MC2R: variants seen among roughly 807,000 people sequenced by gnomAD.
MC2R encodes melanocortin 2 receptor, also known as adrenocorticotropic hormone receptor.
In MC2R, 9 loss-of-function variants were observed where a neutral mutation model predicts 9.8. The ratio of observed to expected loss-of-function variants is 0.92; its 90% confidence interval spans 0.55 to 1.60. MC2R has a LOEUF of 1.60. Ranked by LOEUF, MC2R falls within the 40% of genes most tolerant of loss-of-function variation. The probability of loss-of-function intolerance (pLI) is 0.00; values close to 1 mark genes in which losing one functional copy is unlikely to be tolerated. For missense variants in MC2R, 370 were observed against 389.0 expected (o/e 0.95, Z 0.41); for synonymous variants, 185 against 154.7 (o/e 1.20, Z -1.45).
At chr18:13,889,431 G>C (rs918423031) in intron 1 of MC2R, among the ~76,000 whole-genome samples, 4 of 152,214 alleles carry the variant, frequency 2.6e-5, no homozygotes, top group African/African-American at 9.6e-5. Context: ...TGAAGGCGTA[G>C]GTCTTGGCAG....
chr18:13,897,058 A>G (rs114481602), intron 1 of MC2R, among the ~76,000 whole-genome samples: 1,892 of 152,320 alleles, frequency 0.012, 25 homozygotes, highest in African/African-American at 0.043. Context: ...AGAGCCAAAA[A>G]TCAGGCGAGC....
intron 1 of MC2R, among the ~76,000 whole-genome samples, chr18:13,904,291 G>C (rs1421307947): frequency 6.7e-6 from 1 of 149,674 alleles, no homozygotes; most frequent in Non-Finnish European, 1.5e-5. Context: ...TGAGGCAGGA[G>C]AATGGCGTGA....
At position 13,884,541 on chromosome 18, in the gene MC2R, G is replaced by C; in HGVS notation, c.*84C>G. 7.0e-7 allele frequency: 1 copy of C among 1,427,106 alleles called. No homozygotes were observed. Among genetic ancestry groups the C allele is most frequent in the Non-Finnish European group, 9.8e-7 (1 of 1,023,642 alleles). The allele number at this position is 1,427,106 out of a possible 1,614,324, so 88.4% of individuals were successfully genotyped here. A position where few individuals can be genotyped will look rare whatever the true frequency, so the allele number is the denominator to read the frequency against. On this transcript the variant is annotated 3_prime_UTR_variant, in exon 2 of 2. Coordinates refer to ENST00000327606, the MANE Select transcript of MC2R (RefSeq NM_000529.2). ...ATTAGGGAAGGAAGGCCAGTGAGGA[G>C]CACTGGCATTTGTTGGAATGTTACA...
chr18:13,890,679 C>T (rs559865602), intron 1 of MC2R, among the ~76,000 whole-genome samples: 5 of 152,222 alleles, frequency 3.3e-5, no homozygotes, highest in South Asian at 2.1e-4. Context: ...ATAAGTTGTA[C>T]GGCCCAATAC....
At position 13,884,844 on chromosome 18, in the gene MC2R, G is replaced by A. The variant is rs1418441579; in HGVS notation, c.675C>T (p.Leu225=). 3.1e-6 allele frequency: 5 copies of A among 1,613,936 alleles called. No individual in the cohort carries two copies. Among genetic ancestry groups the A allele is most frequent in the East Asian group, 2.2e-5 (1 of 44,880 alleles). The part of the protein sequence containing the change: ...MKGAITLTIL[L]GVFIFCWAPF... ...GGGCCCAGCAGAAGATGAAGACCCC[G>A]AGCAGGATGGTCAGTGTGATGGCCC... Residue 225 remains leucine (L), a synonymous_variant, in exon 2 of 2, where the codon CTC becomes CTT. Transcript: ENST00000327606.
intron 1 of MC2R, among the ~76,000 whole-genome samples, chr18:13,894,136 TTG>T (rs35649882): frequency 0.38 from 56,268 of 148,452 alleles, 10,794 homozygotes; most frequent in Middle Eastern, 0.52. Context: ...GCATGTGTGT[TTG>T]TGTGTGTGTG....
chr18:13,902,349 T>G (rs993154588), intron 1 of MC2R, among the ~76,000 whole-genome samples: 3 of 152,072 alleles, frequency 2.0e-5, no homozygotes, highest in African/African-American at 7.2e-5. Context: ...ATCCTAAAAT[T>G]TATATGGAAC....
At chr18:13,898,534 G>A (rs9959161) in intron 1 of MC2R, among the ~76,000 whole-genome samples, 151,406 of 152,326 alleles carry the variant, frequency 0.99, 75,251 homozygotes, top group Middle Eastern at 1. Context: ...GAACACAGGC[G>A]GTAGCCAGGG....
In MC2R at chr18:13,883,609, ACACACACACACACACACACTCTCTCTCT is replaced by A. The variant is rs1037348375; in HGVS notation, c.*988_*1015del. 2.9e-5 allele frequency: 3 copies of A among 102,938 alleles called. No individual in the cohort carries two copies. The highest frequency in any genetic ancestry group is 1.2e-4 in the Admixed American group (1 of 8,664). The allele number at this position is 102,938 out of a possible 1,614,324, so 6.4% of individuals were successfully genotyped here. On this transcript the variant is annotated 3_prime_UTR_variant, in exon 2 of 2. Coordinates refer to ENST00000327606, the MANE Select transcript of MC2R (RefSeq NM_000529.2). ...CACACACACACACACACACACACAC[ACACACACACACACACACACTCTCTCTCT>A]CTCTCTCTCTCTCTCTCTCTGTCTG...
At chr18:13,890,280 G>C (rs532637470) in intron 1 of MC2R, among the ~76,000 whole-genome samples, 1 of 152,310 alleles carries the variant, frequency 6.6e-6, no homozygotes, top group East Asian at 1.9e-4. Flanking sequence ...GTGTTTTTGG[G>C]GTTCCGTGGA....
At chr18:13,902,555 C>T (rs1402120252) in intron 1 of MC2R, among the ~76,000 whole-genome samples, 3 of 152,050 alleles carry the variant, frequency 2.0e-5, no homozygotes, top group Non-Finnish European at 4.4e-5. Flanking sequence ...ATGGTGAACT[C>T]ATTTTTGACA....
intron 1 of MC2R, 38 bp from the exon 2 acceptor site, chr18:13,885,684 C>A: frequency 1.4e-6 from 1 of 730,644 alleles, no homozygotes; most frequent in Non-Finnish European, 2.3e-6. Flanking sequence ...TTGCAAAGTA[C>A]ACTAGAAAAT....
intron 1 of MC2R, among the ~76,000 whole-genome samples, chr18:13,909,197 A>T (rs2045430693): frequency 6.6e-6 from 1 of 152,176 alleles, no homozygotes; most frequent in Non-Finnish European, 1.5e-5. Context: ...AACATTTTGT[A>T]GAATTGCCAC....
chr18:13,900,695 G>A (rs1021608492), intron 1 of MC2R, among the ~76,000 whole-genome samples: 9 of 152,070 alleles, frequency 5.9e-5, no homozygotes, highest in Admixed American at 5.2e-4. Flanking sequence ...TTAGCAAGAG[G>A]ATATAACAAT....
At position 13,885,498 on chromosome 18, in the gene MC2R, C is replaced by T. The variant is rs371151390; in HGVS notation, c.21G>A (p.Ser7=). 106 of 1,614,098 alleles carry T rather than the reference C, an allele frequency of 6.6e-5. No homozygotes were observed. Among genetic ancestry groups the T allele is most frequent in the East Asian group, 3.8e-4 (17 of 44,872 alleles). The part of the protein sequence containing the change: MKHIIN[S]YENINNTARN... Reference sequence around the variant, plus strand: ...TTGCTGTGTTGTTGATGTTTTCATACGAGTTGATAATGTGCTTCATTTCTC... The same window carrying T: ...TTGCTGTGTTGTTGATGTTTTCATATGAGTTGATAATGTGCTTCATTTCTC... Residue 7 remains serine, a synonymous_variant, in exon 2 of 2, where the codon TCG becomes TCA. Coordinates refer to ENST00000327606, the MANE Select transcript of MC2R (RefSeq NM_000529.2).
At chr18:13,902,518 A>G (rs2045386438) in intron 1 of MC2R, among the ~76,000 whole-genome samples, 2 of 152,182 alleles carry the variant, frequency 1.3e-5, no homozygotes, top group African/African-American at 4.8e-5. Context: ...AACAGAATAC[A>G]GAACCCAGAA....
At position 13,885,039 on chromosome 18, in the gene MC2R, C is replaced by G. The variant is rs117707720; in HGVS notation, c.480G>C (p.Gly160=). ...AGAAGATCACCATGGTGATGCCAGT[C>G]CCCGTGCAGAACGTCCAGATGACCG... ...VLTVIWTFCT[G]TGITMVIFSH... is the part of the protein sequence containing the mutation. Residue 160 remains glycine, a synonymous_variant, in exon 2 of 2, where the codon GGG becomes GGC. Transcript: ENST00000327606. 4 of 1,614,132 alleles carry G rather than the reference C, an allele frequency of 2.5e-6. No individual in the cohort carries two copies. The East Asian group carries it at 8.9e-5, about 36-fold the overall frequency.
At chr18:13,896,367 A>C (rs1418786158) in intron 1 of MC2R, among the ~76,000 whole-genome samples, 1 of 152,224 alleles carries the variant, frequency 6.6e-6, no homozygotes. Context: ...GAAAAATATA[A>C]GAGAATTGGC....
At chr18:13,892,796 ATAAT>A (rs2045323285) in intron 1 of MC2R, among the ~76,000 whole-genome samples, 1 of 127,416 alleles carries the variant, frequency 7.8e-6, no homozygotes, top group Admixed American at 9.2e-5. Flanking sequence ...GGAGATAGAC[ATAAT>A]CTGTTACACA....
Sources: allele counts gnomAD v4.1 joint callset (sites outside exome capture counted in the v4.1 genomes callset), GRCh38; gene constraint gnomAD v4.1.1; transcripts MANE v1.5; gene names NCBI Gene and HGNC (gene_info 2026-07-23, HGNC 2026-07-21).